Variants in CDCP2 observed in about 807,000 individuals in gnomAD.
CDCP2 encodes the protein CUB domain containing protein 2.
CDCP2 carries 31 observed loss-of-function variants against 31.0 expected under a neutral mutation model. The ratio of observed to expected loss-of-function variants is 1.00; its 90% CI spans 0.75 to 1.35. CDCP2 has a LOEUF of 1.35. Among genes scored for constraint, CDCP2 ranks in the 40% most tolerant of loss-of-function variants. The pLI is 0.00. For synonymous variants in CDCP2, 206 were observed against 207.9 expected, an observed-to-expected ratio of 0.99 and a Z score of 0.08; for missense variants, 443 against 482.6, an observed-to-expected ratio of 0.92 and a Z score of 0.77.
chr1:54,144,378 A>G, intron 2 of CDCP2, 88 bp downstream of exon 2: 2 of 1,223,526 alleles, frequency 1.6e-6, no homozygotes, highest in Non-Finnish European at 1.1e-6. Context: ...AACTCCTGGG[A>G]TCAAGTAATC....
At chr1:54,148,343 C>T (rs2100431964) in intron 1 of CDCP2, among the ~76,000 whole-genome samples, 1 of 148,974 alleles carries the variant, frequency 6.7e-6, no homozygotes, top group South Asian at 2.1e-4. Flanking sequence ...ATAGCAAGAC[C>T]CCAACCTCTA....
At chr1:54,136,400 G>C (rs1659258948) in intron 5 of CDCP2, among the ~76,000 whole-genome samples, 2 of 152,194 alleles carry the variant, frequency 1.3e-5, no homozygotes, top group South Asian at 4.1e-4. Flanking sequence ...AAAAGGAAGA[G>C]AGCTGGGAAC....
At position 54,145,993 on chromosome 1, in the gene CDCP2, C is replaced by T. The variant is rs1659462521; in HGVS notation, c.80-1180G>A. ...ACTTTGAAAGACAGTATTTTGACCA[C>T]ACAGTCCTAGTGGGATATATCTCAA... On this transcript the variant is annotated intron_variant, in intron 1 of 5. Coordinates refer to ENST00000530059, the Ensembl canonical transcript of CDCP2. Among the ~76,000 whole-genome samples the T allele has an allele frequency of 1.3e-5, 2 of 149,340 alleles. 1 individual carries two copies. Among genetic ancestry groups the T allele is most frequent in the Non-Finnish European group, 2.9e-5 (2 of 68,014 alleles).
chr1:54,138,625 C>T (rs2100420919), intron 4 of CDCP2: 1 of 152,408 alleles, frequency 6.6e-6, no homozygotes, highest in African/African-American at 2.4e-5. Flanking sequence ...GGGCCTTCAT[C>T]AACCTCTTTT....
At chr1:54,146,850 C>T (rs1190337520) in intron 1 of CDCP2, among the ~76,000 whole-genome samples, 2 of 151,594 alleles carry the variant, frequency 1.3e-5, no homozygotes, top group African/African-American at 2.4e-5. Flanking sequence ...TCCCAGTGGG[C>T]GGATCGTTTG....
At chr1:54,144,359 C>T (rs1170979309) in intron 2 of CDCP2, 107 bp downstream of exon 2, 16 of 1,032,986 alleles carry the variant, frequency 1.5e-5, no homozygotes, top group East Asian at 5.1e-5. Flanking sequence ...ACTGCCAAAT[C>T]CCCCCTTGAA....
At chr1:54,134,378 C>T (rs1398013550) in intron 5 of CDCP2, among the ~76,000 whole-genome samples, 1 of 152,238 alleles carries the variant, frequency 6.6e-6, no homozygotes. Context: ...CCCTGCTGCC[C>T]TCCCCACCTC....
At position 54,141,323 on chromosome 1, in the gene CDCP2, G is replaced by A. The variant is rs150513591; in HGVS notation, c.538C>T (p.Pro180Ser). The A allele has an allele frequency of 1.5e-4, 238 of 1,614,120 alleles. No individual in the cohort carries two copies. The highest frequency in any genetic ancestry group is 2.0e-4 in the Non-Finnish European group (235 of 1,180,040). Residue 180 changes from proline (P) to serine (S), a missense_variant, in exon 3 of 6, where the codon CCT (proline) becomes TCT (serine). By Grantham distance (74) the Pro-to-Ser change is moderately conservative (BLOSUM62 -1). Coordinates refer to ENST00000530059, the Ensembl canonical transcript of CDCP2. ...ACGAACACCAGCTTGACGTGGGCAG[G>A]GCCAGCGGCCCGGATCACCCAGTGG...
At chr1:54,141,588 T>C (rs1194903495) in intron 2 of CDCP2, 155 bp from the exon 3 acceptor site, 1 of 639,790 alleles carries the variant, frequency 1.6e-6, no homozygotes, top group Non-Finnish European at 2.7e-6. Context: ...GTAGCAAGTG[T>C]AGCACGTGCT....
chr1:54,148,234 A>G (rs1343932113), intron 1 of CDCP2, among the ~76,000 whole-genome samples: 1 of 151,148 alleles, frequency 6.6e-6, no homozygotes, highest in Non-Finnish European at 1.5e-5. Flanking sequence ...GCAAATAAAA[A>G]TTTTTATAAT....
intron 1 of CDCP2, among the ~76,000 whole-genome samples, chr1:54,146,062 A>C (rs1173651550): frequency 1.3e-5 from 2 of 152,208 alleles, no homozygotes; most frequent in Admixed American, 1.3e-4. Flanking sequence ...TATTCAGTAA[A>C]CTTACTATTA....
At chr1:54,133,769 G>A (rs539072769) in intron 5 of CDCP2, among the ~76,000 whole-genome samples, 2 of 152,030 alleles carry the variant, frequency 1.3e-5, no homozygotes, top group South Asian at 4.2e-4. Flanking sequence ...GATGGTGTGC[G>A]CCTGTAGTCC....
chr1:54,144,509 G>C, exon 2 of CDCP2: 1 of 1,602,198 alleles, frequency 6.2e-7, no homozygotes, highest in Non-Finnish European at 8.5e-7. Context: ...CCACATGCTT[G>C]TCCGAGTGGA....
At chr1:54,148,307 C>T (rs1179065655) in intron 1 of CDCP2, among the ~76,000 whole-genome samples, 2 of 148,442 alleles carry the variant, frequency 1.3e-5, no homozygotes, top group Non-Finnish European at 3.0e-5. Flanking sequence ...ATCACTTGAA[C>T]CCAGTATTTC....
chr1:54,133,844 T>A (rs34252841), intron 5 of CDCP2, among the ~76,000 whole-genome samples: 1 of 149,522 alleles, frequency 6.7e-6, no homozygotes, highest in Non-Finnish European at 1.5e-5. Context: ...TGCAGTGAGC[T>A]GAGATCGAGC....
At chr1:54,140,670 G>A (rs662524) in intron 3 of CDCP2, 4,505 of 182,544 alleles carry the variant, frequency 0.025, 70 homozygotes, top group African/African-American at 0.037. Context: ...AATGGCTTGC[G>A]CTGTCTGTTT....
chr1:54,151,768 G>C (rs1317191124), intron 1 of CDCP2, among the ~76,000 whole-genome samples: 4 of 152,198 alleles, frequency 2.6e-5, no homozygotes, highest in African/African-American at 4.8e-5. Context: ...TGGAAGGCCA[G>C]AGCAGCACAA....
chr1:54,146,187 T>TAA (rs1265768659), intron 1 of CDCP2, among the ~76,000 whole-genome samples: 23 of 149,436 alleles, frequency 1.5e-4, no homozygotes, highest in African/African-American at 5.9e-4. Flanking sequence ...TATAATTTTT[T>TAA]TTTTTTTTTT....
chr1:54,139,652 G>T, intron 4 of CDCP2, 101 bp downstream of exon 4: 1 of 1,613,434 alleles, frequency 6.2e-7, no homozygotes, highest in East Asian at 2.2e-5. Flanking sequence ...TCATGGGGGG[G>T]GCAGGACAAA....
Sources: gnomAD v4.1 joint callset for allele counts (sites outside exome capture counted in the v4.1 genomes callset) on GRCh38, gnomAD v4.1.1 for gene constraint, MANE v1.5 for transcripts, NCBI Gene and HGNC (gene_info 2026-07-23, HGNC 2026-07-21) for gene names.